The following MS4A12 variants were observed in gnomAD, a reference collection of about 807,000 sequenced individuals.
MS4A12 encodes the protein membrane-spanning 4-domains subfamily A member 12.
In MS4A12, 28 loss-of-function variants were observed where a neutral mutation model predicts 23.7. That is an observed-to-expected ratio of 1.18 (90% CI 0.88 to 1.62). MS4A12 has a LOEUF of 1.62. MS4A12 is among the 40% of genes most tolerant of loss of function. MS4A12 has a pLI of 0.00. For synonymous variants in MS4A12, 108 were observed against 110.1 expected (o/e 0.98, Z 0.12); for missense variants, 342 against 327.0 (o/e 1.05, Z -0.35).
chr11:60,498,335 T>C (rs1006526960), intron 2 of MS4A12, among the ~76,000 whole-genome samples: 2 of 152,226 alleles, frequency 1.3e-5, no homozygotes, highest in East Asian at 1.9e-4. Flanking sequence ...TGAATGCTCA[T>C]TATGTGCCAG....
chr11:60,503,796 T>C lies in MS4A12; in HGVS notation c.567T>C (p.Ala189=). 6.2e-7 allele frequency: 1 copy of C among 1,613,868 alleles called. No homozygotes were observed. Among genetic ancestry groups the C allele is most frequent in the Non-Finnish European group, 8.5e-7 (1 of 1,179,796 alleles). The change falls in exon 5 of 7, where the codon GCT becomes GCC. Residue 189 remains alanine, a synonymous_variant. Coordinates refer to ENST00000016913, the MANE Select transcript of MS4A12 (RefSeq NM_017716.3). ...TGGATATGTGCATCAATGGGGTAGC[T>C]GGCCAAGACTACTGGGCCGTGGTAA... ...LLVDMCINGV[A]GQDYWAVLSG... is the part of the protein sequence containing the mutation.
At chr11:60,502,419 G>A (rs1401072094) in intron 4 of MS4A12, among the ~76,000 whole-genome samples, 2 of 152,178 alleles carry the variant, frequency 1.3e-5, no homozygotes, top group East Asian at 3.8e-4. Flanking sequence ...CTGTTCATTT[G>A]CCACTTCTCA....
chr11:60,504,401 A>G (rs2086555013), intron 5 of MS4A12, among the ~76,000 whole-genome samples: 1 of 152,228 alleles, frequency 6.6e-6, no homozygotes, highest in South Asian at 2.1e-4. Flanking sequence ...TAAGGAATGG[A>G]GCAACATGGT....
Position 60,494,940 on chromosome 11 carries a change from A to G in MS4A12, c.-7+2112A>G, listed in dbSNP as rs898612429. Among the ~76,000 whole-genome samples, 4 of 151,910 alleles carry G rather than the reference A, an allele frequency of 2.6e-5. No homozygotes were observed. The East Asian group carries it at 7.7e-4, about 29-fold the overall frequency. On this transcript the variant is annotated intron_variant, in intron 1 of 6. Transcript: ENST00000016913. ...GTTACTCCAAGAGTCACAGCTATGG[A>G]CTTGTTTCCTTTTTCCTTGTTTAAA...
chr11:60,495,809 C>T (rs139346407), intron 1 of MS4A12, among the ~76,000 whole-genome samples: 36 of 152,310 alleles, frequency 2.4e-4, no homozygotes, highest in African/African-American at 8.7e-4. Flanking sequence ...AGAATCCTTA[C>T]TAACTCACTC....
intron 2 of MS4A12, among the ~76,000 whole-genome samples, chr11:60,498,333 C>T (rs188881255): frequency 1.3e-5 from 2 of 152,300 alleles, no homozygotes; most frequent in Non-Finnish European, 2.9e-5. Flanking sequence ...AATGAATGCT[C>T]ATTATGTGCC....
chr11:60,499,191 A>T (rs933745476), intron 2 of MS4A12, among the ~76,000 whole-genome samples: 13 of 152,268 alleles, frequency 8.5e-5, no homozygotes, highest in Non-Finnish European at 1.9e-4. Context: ...ATGACAGTGC[A>T]GGGGCCACAG....
intron 5 of MS4A12, among the ~76,000 whole-genome samples, 154 bp downstream of exon 5, chr11:60,503,971 A>G (rs570382618): frequency 1.3e-5 from 2 of 152,330 alleles, no homozygotes; most frequent in Middle Eastern, 3.4e-3. Context: ...AGGACTATAG[A>G]ATAAAGTGAG....
chr11:60,503,677 A>AT (rs774647475), intron 4 of MS4A12, 24 bp from the exon 5 acceptor site: 5 of 1,567,912 alleles, frequency 3.2e-6, no homozygotes, highest in African/African-American at 2.7e-5. Context: ...TATATAATTG[A>AT]TTTTTTCCTG....
chr11:60,503,701 G>T lies in MS4A12; in HGVS notation c.472G>T (p.Val158Leu). 2 of 1,611,352 alleles carry T rather than the reference G, an allele frequency of 1.2e-6. No homozygotes were observed. Among genetic ancestry groups the T allele is most frequent in the Non-Finnish European group, 1.7e-6 (2 of 1,178,646 alleles). Residue 158 changes from valine (V) to leucine (L), a missense_variant and splice_region_variant, in exon 5 of 7, where the codon GTG becomes TTG. Coordinates refer to ENST00000016913, the MANE Select transcript of MS4A12 (RefSeq NM_017716.3). ...SASKELSRCL[V>L]KGSLGMNIVS... is the part of the protein sequence containing the mutation. Reference sequence around the variant, plus strand: ...GATTTTTTCCTGCCATCTCCATTAGGTGAAAGGCAGCCTGGGAATGAACAT... The same window carrying T: ...GATTTTTTCCTGCCATCTCCATTAGTTGAAAGGCAGCCTGGGAATGAACAT...
rs142569277 is a variant in MS4A12, at chr11:60,498,942, G to T, written c.276+1348G>T. Among the ~76,000 whole-genome samples, 295 of 152,336 alleles carry T rather than the reference G, an allele frequency of 1.9e-3. 1 individual carries two copies. Among genetic ancestry groups the T allele is most frequent in the Non-Finnish European group, 3.3e-3 (222 of 68,026 alleles). On this transcript the variant is annotated intron_variant, in intron 2 of 6. Coordinates refer to ENST00000016913, the MANE Select transcript of MS4A12 (RefSeq NM_017716.3). Reference sequence around the variant, plus strand: ...AGAATGAGTGAGGGAGGGGGCAGTTGTCAGGAGGGCAGATGAGTGGCAGAG... The same window carrying T: ...AGAATGAGTGAGGGAGGGGGCAGTTTTCAGGAGGGCAGATGAGTGGCAGAG...
At chr11:60,505,029 G>A (rs1276416964) in intron 5 of MS4A12, among the ~76,000 whole-genome samples, 10 of 152,138 alleles carry the variant, frequency 6.6e-5, no homozygotes, top group Admixed American at 5.9e-4. Flanking sequence ...AACACTGTTT[G>A]CAGTGTAAGG....
intron 4 of MS4A12, 110 bp downstream of exon 4, chr11:60,502,149 C>CA (rs1435529235): frequency 5.3e-5 from 57 of 1,084,374 alleles, no homozygotes; most frequent in South Asian, 1.0e-4. Flanking sequence ...GCACCTTTCC[C>CA]AAAAAAAATC....
intron 5 of MS4A12, among the ~76,000 whole-genome samples, chr11:60,505,065 AGTTT>A (rs1233249444): frequency 6.6e-6 from 1 of 152,212 alleles, no homozygotes; most frequent in African/African-American, 2.4e-5. Flanking sequence ...AAGGTGTATT[AGTTT>A]GTTTTCACAC....
intron 5 of MS4A12, among the ~76,000 whole-genome samples, chr11:60,505,520 TC>T (rs760493483): frequency 1.2e-4 from 11 of 95,556 alleles, no homozygotes; most frequent in South Asian, 3.8e-4. Context: ...CAAAAACTAT[TC>T]AAAAAAAAAC....
At position 60,501,977 on chromosome 11, in the gene MS4A12, C is replaced by A. The variant is rs757630912; in HGVS notation, c.415-6C>A. 6.2e-7 allele frequency: 1 copy of A among 1,610,446 alleles called. No individual in the cohort carries two copies. The highest frequency in any genetic ancestry group is 1.1e-5 in the South Asian group (1 of 90,678). ...ATTTCACAAATAAATTTGTCCATTT[C>A]CACAGTTTATTATCTCTGGCTCTCT... On this transcript the variant is annotated splice_polypyrimidine_tract_variant and splice_region_variant and intron_variant, in intron 3 of 6. Transcript: ENST00000016913.
At chr11:60,493,598 T>C (rs745576212) in intron 1 of MS4A12, among the ~76,000 whole-genome samples, 11 of 152,136 alleles carry the variant, frequency 7.2e-5, no homozygotes, top group Non-Finnish European at 1.5e-4. Flanking sequence ...AAGAAAACAA[T>C]TAAAATTAAA....
chr11:60,497,299 T>C lies in MS4A12; in HGVS notation c.-6-14T>C, dbSNP rs2135227656. ...GGATAAACGTATCACTTTTGTATGT[T>C]TTGTGATACTTAGGACATAATGATG... On this transcript the variant is annotated splice_polypyrimidine_tract_variant and intron_variant, in intron 1 of 6. Transcript: ENST00000016913. The C allele has an allele frequency of 6.3e-7, 1 of 1,586,664 alleles. No individual in the cohort carries two copies. The highest frequency in any genetic ancestry group is 1.2e-5 in the South Asian group (1 of 86,546).
intron 1 of MS4A12, among the ~76,000 whole-genome samples, 182 bp from the exon 2 acceptor site, chr11:60,497,131 C>A (rs1036002799): frequency 6.6e-6 from 1 of 152,202 alleles, no homozygotes; most frequent in African/African-American, 2.4e-5. Context: ...AGACAGGTAC[C>A]AGTCCTTGGC....
Sources: gnomAD v4.1 joint callset for allele counts (sites outside exome capture counted in the v4.1 genomes callset) on GRCh38, gnomAD v4.1.1 for gene constraint, MANE v1.5 for transcripts, NCBI Gene and HGNC (gene_info 2026-07-23, HGNC 2026-07-21) for gene names.